CSMD2: variants seen among roughly 807,000 people sequenced by gnomAD.
CSMD2 encodes the protein CUB and Sushi multiple domains 2.
In CSMD2, 130 loss-of-function variants were observed where a neutral mutation model predicts 398.5. The observed-to-expected ratio is 0.33, with a 90% CI of 0.28 to 0.38. The LOEUF is 0.38. Among genes scored for constraint, CSMD2 ranks in the 10% least tolerant of loss-of-function variants. CSMD2 has a pLI of 1.00. For synonymous variants in CSMD2, 1,828 were observed against 1,908.5 expected (o/e 0.96, Z 1.10); for missense variants, 3,829 against 4,764.9 (o/e 0.80, Z 5.78).
intron 5 of CSMD2, chr1:33,885,154 C>A (rs997534136): frequency 1.3e-5 from 2 of 152,218 alleles, no homozygotes; most frequent in African/African-American, 4.8e-5. Context: ...AAAGGTCACA[C>A]AGCAGTGTAA....
intron 53 of CSMD2, among the ~76,000 whole-genome samples, chr1:33,562,191 G>A (rs1658626096): frequency 6.8e-6 from 1 of 147,708 alleles, no homozygotes; most frequent in South Asian, 2.2e-4. Context: ...TAGGACCACT[G>A]GTGACTTGCA....
intron 64 of CSMD2, among the ~76,000 whole-genome samples, chr1:33,532,623 G>T (rs547220790): frequency 6.6e-6 from 1 of 152,330 alleles, no homozygotes; most frequent in Non-Finnish European, 1.5e-5. Flanking sequence ...CCTAGCGCAA[G>T]CATGGGGCCA....
At chr1:33,900,409 A>G (rs776800960) in intron 5 of CSMD2, among the ~76,000 whole-genome samples, 1 of 152,178 alleles carries the variant, frequency 6.6e-6, no homozygotes, top group African/African-American at 2.4e-5. Flanking sequence ...TGGGGATCCA[A>G]TTTCTGGCTC....
At chr1:33,984,884 C>T (rs2358754) in intron 3 of CSMD2, among the ~76,000 whole-genome samples, 1 of 138,200 alleles carries the variant, frequency 7.2e-6, no homozygotes, top group South Asian at 2.6e-4. Flanking sequence ...GGCAGGCAGG[C>T]AGGAAGGAAG....
At chr1:33,769,626 T>C (rs1445871484) in intron 13 of CSMD2, among the ~76,000 whole-genome samples, 3 of 152,150 alleles carry the variant, frequency 2.0e-5, no homozygotes, top group Non-Finnish European at 4.4e-5. Context: ...CTACAGAAAA[T>C]GTTTTGGAAC....
intron 5 of CSMD2, chr1:33,864,860 G>A: frequency 1.2e-6 from 1 of 867,158 alleles, no homozygotes; most frequent in Non-Finnish European, 1.6e-6. Context: ...GGAGGGAGTG[G>A]CTTGGTAGAG....
intron 3 of CSMD2, among the ~76,000 whole-genome samples, chr1:34,016,803 G>T (rs1278635052): frequency 7.5e-6 from 1 of 133,770 alleles, no homozygotes; most frequent in Non-Finnish European, 1.7e-5. Flanking sequence ...TAGATAGATA[G>T]ACAGATAGAA....
chr1:34,028,929 C>A (rs1020997097), intron 3 of CSMD2, among the ~76,000 whole-genome samples: 1 of 152,170 alleles, frequency 6.6e-6, no homozygotes, highest in African/African-American at 2.4e-5. Context: ...TGACACTCAT[C>A]ACCTGACTTC....
chr1:33,578,027 T>G (rs1243513931), intron 48 of CSMD2, among the ~76,000 whole-genome samples: 1 of 152,112 alleles, frequency 6.6e-6, no homozygotes, highest in African/African-American at 2.4e-5. Flanking sequence ...ATATGTAGAT[T>G]GCGTACATAA....
At chr1:34,012,041 A>C (rs1028239114) in intron 3 of CSMD2, among the ~76,000 whole-genome samples, 2 of 152,302 alleles carry the variant, frequency 1.3e-5, no homozygotes, top group African/African-American at 4.8e-5. Flanking sequence ...CCGTTTCCTC[A>C]TCTGAAAAAC....
intron 3 of CSMD2, among the ~76,000 whole-genome samples, chr1:34,029,866 G>T (rs1650186969): frequency 6.6e-6 from 1 of 152,214 alleles, no homozygotes; most frequent in African/African-American, 2.4e-5. Flanking sequence ...ATCATTATGT[G>T]GCTGAGGTGA....
At chr1:34,077,549 A>G (rs1306871826) in intron 2 of CSMD2, among the ~76,000 whole-genome samples, 1 of 149,950 alleles carries the variant, frequency 6.7e-6, no homozygotes, top group African/African-American at 2.5e-5. Flanking sequence ...ATCCTGGCTA[A>G]CACAGTGAAA....
intron 2 of CSMD2, among the ~76,000 whole-genome samples, chr1:34,047,083 A>G (rs1201445409): frequency 6.6e-6 from 1 of 151,666 alleles, no homozygotes; most frequent in African/African-American, 2.4e-5. Context: ...AAAGCATCCC[A>G]CTCGATTTGG....
intron 9 of CSMD2, among the ~76,000 whole-genome samples, chr1:33,817,806 G>A (rs1317220870): frequency 6.6e-6 from 1 of 152,144 alleles, no homozygotes; most frequent in East Asian, 1.9e-4. Flanking sequence ...TGGCCCAAGG[G>A]CCCCAGCTAA....
intron 25 of CSMD2, among the ~76,000 whole-genome samples, chr1:33,663,916 T>C (rs1644225748): frequency 6.6e-6 from 1 of 152,236 alleles, no homozygotes; most frequent in South Asian, 2.1e-4. Flanking sequence ...ATTTCTTCTA[T>C]TGCTAACATC....
At chr1:33,966,701 C>G (rs935320183) in intron 3 of CSMD2, among the ~76,000 whole-genome samples, 8 of 152,144 alleles carry the variant, frequency 5.3e-5, no homozygotes, top group Non-Finnish European at 7.3e-5. Context: ...GATGGTGGCT[C>G]TGATTTGCAA....
chr1:34,155,322 A>C (rs1457333163), intron 1 of CSMD2, among the ~76,000 whole-genome samples: 1 of 152,216 alleles, frequency 6.6e-6, no homozygotes, highest in African/African-American at 2.4e-5. Flanking sequence ...TCCTTAGAAC[A>C]AAATATCGTA....
At chr1:34,104,555 A>G (rs894309071) in intron 1 of CSMD2, among the ~76,000 whole-genome samples, 3 of 152,186 alleles carry the variant, frequency 2.0e-5, no homozygotes, top group Non-Finnish European at 2.9e-5. Context: ...GACTGGGGAT[A>G]TGGATTTGTT....
At chr1:33,574,593 T>C (rs770306247) in intron 49 of CSMD2, among the ~76,000 whole-genome samples, 1 of 152,156 alleles carries the variant, frequency 6.6e-6, no homozygotes, top group Non-Finnish European at 1.5e-5. Context: ...ACAAGATGCT[T>C]GATGCTATAA....
Sources: gnomAD v4.1 joint callset for allele counts (sites outside exome capture counted in the v4.1 genomes callset) on GRCh38, gnomAD v4.1.1 for gene constraint, MANE v1.5 for transcripts, NCBI Gene and HGNC (gene_info 2026-07-23, HGNC 2026-07-21) for gene names.